Variants in TOPAZ1 observed in about 807,000 individuals in gnomAD.
TOPAZ1 encodes testis and ovary specific TOPAZ 1.
A neutral mutation model predicts 172.2 loss-of-function variants in TOPAZ1; 66 were observed. The ratio of observed to expected loss-of-function variants is 0.38; its 90% confidence interval spans 0.31 to 0.47. TOPAZ1 has a LOEUF of 0.47. Among genes scored for constraint, TOPAZ1 ranks in the 20% least tolerant of loss-of-function variants. The pLI, the probability that TOPAZ1 is intolerant of heterozygous loss-of-function variation, is 0.99. For synonymous variants in TOPAZ1, 681 were observed against 683.9 expected, an observed-to-expected ratio of 1.00 and a Z score of 0.07; for missense variants, 1,822 against 1,972.4, an observed-to-expected ratio of 0.92 and a Z score of 1.44.
At chr3:44,257,989 A>G (rs1699734245) in intron 4 of TOPAZ1, among the ~76,000 whole-genome samples, 1 of 152,180 alleles carries the variant, frequency 6.6e-6, no homozygotes, top group African/African-American at 2.4e-5. Flanking sequence ...ATAATTCTAA[A>G]AAAAAACAGC....
At chr3:44,301,754 T>C (rs1310539392) in intron 12 of TOPAZ1, among the ~76,000 whole-genome samples, 1 of 152,176 alleles carries the variant, frequency 6.6e-6, no homozygotes, top group Non-Finnish European at 1.5e-5. Context: ...TTACAGGTAT[T>C]AGGCCTTTGT....
intron 5 of TOPAZ1, among the ~76,000 whole-genome samples, chr3:44,262,998 G>T (rs1699791802): frequency 6.6e-6 from 1 of 152,162 alleles, no homozygotes; most frequent in Admixed American, 6.6e-5. Context: ...TAATGTTAAG[G>T]CAGTAATTTT....
intron 5 of TOPAZ1, among the ~76,000 whole-genome samples, chr3:44,266,314 A>G (rs909991300): frequency 6.6e-6 from 1 of 152,126 alleles, no homozygotes; most frequent in Admixed American, 6.6e-5. Flanking sequence ...TTTCATTCGT[A>G]TGTTCACTGG....
In TOPAZ1 at chr3:44,243,392, G is replaced by A. The variant is rs761948427; in HGVS notation, c.886G>A (p.Glu296Lys). Residue 296 changes from glutamate to lysine, a missense_variant, in exon 2 of 20, where the codon GAA becomes AAA. Around this residue, in one of 2 missense-constraint regions of TOPAZ1, gnomAD observed 1,489 missense variants for 1,490.8 expected, o/e 1.00. Coordinates refer to ENST00000309765, the MANE Select transcript of TOPAZ1 (RefSeq NM_001145030.2). ...NVMGVNKLLPEESDLYQSKTN... is the reference protein window; with the variant it reads ...NVMGVNKLLPKESDLYQSKTN... ...AATGGGAGTAAATAAGTTACTACCA[G>A]AAGAGAGTGATTTATACCAAAGTAA... 1.9e-6 allele frequency: 3 copies of A among 1,550,970 alleles called. No homozygotes were observed. In the South Asian group the frequency reaches 3.6e-5, roughly 19 times the overall value.
chr3:44,295,026 A>G (rs796789027), intron 12 of TOPAZ1, among the ~76,000 whole-genome samples: 4 of 152,304 alleles, frequency 2.6e-5, no homozygotes, highest in African/African-American at 9.6e-5. Context: ...CAACTTTATT[A>G]GTTACTTTTT....
In TOPAZ1 at chr3:44,266,979, A is replaced by G; in HGVS notation, c.3021-18A>G. 6.6e-7 allele frequency: 1 copy of G among 1,510,718 alleles called. No individual in the cohort carries two copies. The highest frequency in any genetic ancestry group is 8.9e-7 in the Non-Finnish European group (1 of 1,126,504). The allele number at this position is 1,510,718 out of a possible 1,614,324, so 93.6% of individuals were successfully genotyped here. ...AAAATACATTTAAATTCTGATGTTA[A>G]TTTTTCCTTTCACACAGCAAAGATT... On this transcript the variant is annotated intron_variant, in intron 5 of 19. Transcript: ENST00000309765.
intron 12 of TOPAZ1, among the ~76,000 whole-genome samples, chr3:44,293,468 G>T (rs576958653): frequency 2.0e-4 from 30 of 152,190 alleles, no homozygotes; most frequent in Admixed American, 9.2e-4. Flanking sequence ...GATCATCCTT[G>T]TTCTCTGTAG....
intron 9 of TOPAZ1, among the ~76,000 whole-genome samples, chr3:44,283,794 GAAGTT>G (rs1169537581): frequency 6.6e-6 from 1 of 152,086 alleles, no homozygotes; most frequent in Admixed American, 6.5e-5. Context: ...TGAACCACTT[GAAGTT>G]AAGTTGCACG....
intron 11 of TOPAZ1, 30 bp from the exon 12 acceptor site, chr3:44,290,741 A>G (rs926266093): frequency 2.1e-6 from 3 of 1,415,754 alleles, no homozygotes; most frequent in Non-Finnish European, 2.9e-6. Flanking sequence ...TTTTTGTAAG[A>G]ATAACCACTC....
At chr3:44,301,782 A>G (rs545421046) in intron 12 of TOPAZ1, among the ~76,000 whole-genome samples, 2 of 152,182 alleles carry the variant, frequency 1.3e-5, no homozygotes, top group Non-Finnish European at 2.9e-5. Context: ...ATTAGTATAT[A>G]TTGCAATTTT....
chr3:44,300,916 T>A (rs1249103578), intron 12 of TOPAZ1, among the ~76,000 whole-genome samples: 19 of 151,044 alleles, frequency 1.3e-4, no homozygotes, highest in Admixed American at 1.3e-3. Flanking sequence ...TAAACTGTGG[T>A]ACATACCATG....
At chr3:44,290,912 C>A (rs1026951960) in intron 12 of TOPAZ1, 26 bp downstream of exon 12, 3 of 1,428,458 alleles carry the variant, frequency 2.1e-6, no homozygotes, top group Admixed American at 4.3e-5. Context: ...ATTATTTAAG[C>A]CAAAATATAT....
chr3:44,304,808 A>G (rs1411444307), intron 13 of TOPAZ1, among the ~76,000 whole-genome samples: 1 of 152,214 alleles, frequency 6.6e-6, no homozygotes, highest in Non-Finnish European at 1.5e-5. Context: ...AGACAGTTCA[A>G]ATTATGCTGC....
chr3:44,273,571 T>C (rs1405874341), intron 8 of TOPAZ1, among the ~76,000 whole-genome samples: 1 of 152,200 alleles, frequency 6.6e-6, no homozygotes, highest in Non-Finnish European at 1.5e-5. Flanking sequence ...ATTCATCAAC[T>C]TACAATCACT....
At chr3:44,285,534 A>G (rs1336219592) in intron 9 of TOPAZ1, among the ~76,000 whole-genome samples, 1 of 150,680 alleles carries the variant, frequency 6.6e-6, no homozygotes, top group Non-Finnish European at 1.5e-5. Context: ...ATGTTCAGAC[A>G]GTTTCCACCC....
intron 19 of TOPAZ1, among the ~76,000 whole-genome samples, chr3:44,329,289 T>C (rs1700637564): frequency 6.6e-6 from 1 of 152,242 alleles, no homozygotes; most frequent in African/African-American, 2.4e-5. Context: ...TTCCACATAG[T>C]TGGAGTCAAG....
intron 12 of TOPAZ1, among the ~76,000 whole-genome samples, chr3:44,294,057 A>G (rs1700168522): frequency 6.6e-6 from 1 of 152,206 alleles, no homozygotes; most frequent in Admixed American, 6.5e-5. Flanking sequence ...CCTGGCCAAC[A>G]TGTGAAACCT....
At chr3:44,334,820 A>T (rs967308484), downstream of TOPAZ1, among the ~76,000 whole-genome samples, 1 of 152,194 alleles carries the variant, frequency 6.6e-6, no homozygotes, top group Non-Finnish European at 1.5e-5. Flanking sequence ...TAATGACAGC[A>T]CAGACTCCTC....
chr3:44,305,122 G>A (rs1419628522), intron 13 of TOPAZ1, 25 bp from the exon 14 acceptor site: 2 of 1,442,844 alleles, frequency 1.4e-6, no homozygotes, highest in Non-Finnish European at 1.8e-6. Context: ...TTTCTTTTTT[G>A]TTTTGTTTTT....
Sources: allele counts gnomAD v4.1 joint callset (sites outside exome capture counted in the v4.1 genomes callset), GRCh38; gene constraint gnomAD v4.1.1; regional missense constraint gnomAD v4.1.1; transcripts MANE v1.5; gene names NCBI Gene and HGNC (gene_info 2026-07-23, HGNC 2026-07-21).